NUDCD3: variants seen among roughly 807,000 people sequenced by gnomAD.
NUDCD3 encodes nudC domain-containing protein 3.
Under a neutral mutation model 39.7 loss-of-function variants are expected in NUDCD3, and 13 were observed. That is an observed-to-expected ratio of 0.33 (90% CI 0.21 to 0.52). The LOEUF (loss-of-function observed/expected upper bound fraction) is 0.52, where lower values mean the gene tolerates loss of function less well. NUDCD3 is among the 20% of genes least tolerant of loss of function. NUDCD3 has a pLI of 0.96. For synonymous variants in NUDCD3, 175 were observed against 172.4 expected (o/e 1.02, Z -0.12); for missense variants, 453 against 458.1 (o/e 0.99, Z 0.10).
intron 2 of NUDCD3, among the ~76,000 whole-genome samples, chr7:44,434,996 C>G (rs1323045040): frequency 1.3e-5 from 2 of 152,240 alleles, no homozygotes; most frequent in Admixed American, 1.3e-4. Context: ...ATGGAAAGAA[C>G]TCACTGAGCA....
rs145427824 is a variant in NUDCD3 at position 44,392,004 on chromosome 7, G to A, written c.975+293C>T. 5.8e-3 allele frequency among the ~76,000 whole-genome samples: 888 copies of A among 152,336 alleles called. 8 individuals carry two copies. The highest frequency in any genetic ancestry group is 0.02 in the African/African-American group (836 of 41,576). ...AACAAAAGCCATCAACACACTTGAT[G>A]TTACCAGGCTCTGGTGCAGGAAGGG... is the stretch of plus-strand genomic sequence containing the variant. On this transcript the variant is annotated intron_variant, in intron 5 of 5. Coordinates refer to ENST00000355451, the MANE Select transcript of NUDCD3 (RefSeq NM_015332.4).
At chr7:44,425,175 G>A (rs545646895) in intron 3 of NUDCD3, among the ~76,000 whole-genome samples, 1 of 152,204 alleles carries the variant, frequency 6.6e-6, no homozygotes, top group South Asian at 2.1e-4. Flanking sequence ...AGAGCATTAG[G>A]ACAAATACCT....
At chr7:44,487,522 T>G (rs1324200221) in intron 1 of NUDCD3, among the ~76,000 whole-genome samples, 1 of 151,260 alleles carries the variant, frequency 6.6e-6, no homozygotes, top group Non-Finnish European at 1.5e-5. Context: ...GATCACCTAC[T>G]ACCACGAAGA....
In NUDCD3 at chr7:44,380,813, T is replaced by C. The variant is rs968074996; in HGVS notation, c.*5198A>G. On this transcript the variant is annotated 3_prime_UTR_variant, in exon 6 of 6. Transcript: ENST00000355451. The stretch of plus-strand genomic sequence containing the variant: ...TAGTCCAGCAGAGGTTAGGGCTCGC[T>C]TTCCCTGCTAGAGGGGCCTCCTCCA... 2.0e-5 allele frequency: 3 copies of C among 152,302 alleles called. No individual in the cohort carries two copies. Among genetic ancestry groups the C allele is most frequent in the African/African-American group, 7.2e-5 (3 of 41,460 alleles). 9.4% of individuals were successfully genotyped at this position (152,302 alleles called of 1,614,324 possible). A position where few individuals can be genotyped will look rare whatever the true frequency, so the allele number is the denominator to read the frequency against.
intron 3 of NUDCD3, chr7:44,413,294 A>AG (rs1288192460): frequency 6.6e-6 from 1 of 152,180 alleles, no homozygotes; most frequent in East Asian, 1.9e-4. Flanking sequence ...CTACAAAAAA[A>AG]AAATTTTTAA....
At chr7:44,442,194 ATT>A (rs1799598298) in intron 2 of NUDCD3, among the ~76,000 whole-genome samples, 1 of 152,218 alleles carries the variant, frequency 6.6e-6, no homozygotes, top group Admixed American at 6.5e-5. Context: ...TACAAATAAT[ATT>A]GTTATCATCA....
chr7:44,388,617 G>A (rs994547675), intron 5 of NUDCD3, among the ~76,000 whole-genome samples: 1 of 152,230 alleles, frequency 6.6e-6, no homozygotes, highest in Non-Finnish European at 1.5e-5. Context: ...CACCAGGCAG[G>A]TGCCTGGACA....
At chr7:44,388,951 C>T (rs1351163943) in intron 5 of NUDCD3, among the ~76,000 whole-genome samples, 4 of 152,246 alleles carry the variant, frequency 2.6e-5, no homozygotes, top group Admixed American at 2.6e-4. Flanking sequence ...TGAATCCTTC[C>T]TAACTGGGTC....
chr7:44,401,285 A>C (rs901855393), intron 4 of NUDCD3, among the ~76,000 whole-genome samples: 2 of 152,250 alleles, frequency 1.3e-5, no homozygotes, highest in Non-Finnish European at 2.9e-5. Context: ...CGGCTCATTA[A>C]TTCACAATAT....
intron 2 of NUDCD3, among the ~76,000 whole-genome samples, chr7:44,444,581 A>G (rs1341064840): frequency 6.6e-6 from 1 of 152,218 alleles, no homozygotes; most frequent in African/African-American, 2.4e-5. Context: ...ACTTTGACAG[A>G]GCAAAACTCC....
At chr7:44,488,433 C>A (rs1003425651) in intron 1 of NUDCD3, among the ~76,000 whole-genome samples, 2 of 151,944 alleles carry the variant, frequency 1.3e-5, no homozygotes, top group Non-Finnish European at 2.9e-5. Flanking sequence ...TCTTAAGCAT[C>A]TGCTGGAGAC....
In NUDCD3 at chr7:44,473,415, G is replaced by A. The variant is rs189720829; in HGVS notation, c.509+11553C>T. ...CTACAAAATGGGAAGGCAACAGAACGGCCTCAAAGAGTTGTGAGGACAGTG... is the reference window on the plus strand; with the variant it reads ...CTACAAAATGGGAAGGCAACAGAACAGCCTCAAAGAGTTGTGAGGACAGTG... On this transcript the variant is annotated intron_variant, in intron 2 of 5. Coordinates refer to ENST00000355451, the MANE Select transcript of NUDCD3 (RefSeq NM_015332.4). Among the ~76,000 whole-genome samples, 52 of 152,238 alleles carry A rather than the reference G, an allele frequency of 3.4e-4. No homozygotes were observed. In the South Asian group the frequency reaches 7.3e-3, roughly 21 times the overall value.
chr7:44,473,469 C>A (rs1208863541), intron 2 of NUDCD3, among the ~76,000 whole-genome samples: 4 of 152,056 alleles, frequency 2.6e-5, no homozygotes, highest in African/African-American at 9.7e-5. Context: ...TAAGGAGAAG[C>A]TACCTGGCAA....
At chr7:44,392,264 A>G in intron 5 of NUDCD3, 33 bp downstream of exon 5, 1 of 1,603,502 alleles carries the variant, frequency 6.2e-7, no homozygotes, top group Non-Finnish European at 8.5e-7. Context: ...AAGGGCCTAA[A>G]GGGTGGACTC....
chr7:44,440,935 A>C (rs990119354), intron 2 of NUDCD3, among the ~76,000 whole-genome samples: 6 of 152,212 alleles, frequency 3.9e-5, no homozygotes, highest in African/African-American at 1.4e-4. Context: ...CACAGTCCTA[A>C]GCAAAAAGGT....
intron 3 of NUDCD3, among the ~76,000 whole-genome samples, chr7:44,420,440 A>C (rs1290963035): frequency 6.6e-6 from 1 of 152,248 alleles, no homozygotes; most frequent in African/African-American, 2.4e-5. Flanking sequence ...GATATTATCC[A>C]GGAGAACTTC....
At chr7:44,461,385 T>C (rs146597225) in intron 2 of NUDCD3, among the ~76,000 whole-genome samples, 11 of 152,274 alleles carry the variant, frequency 7.2e-5, no homozygotes, top group Admixed American at 3.3e-4. Flanking sequence ...GTATGCCACA[T>C]ATACATGGGA....
Position 44,419,015 on chromosome 7 carries a change from G to GT in NUDCD3, c.642+8555dup, listed in dbSNP as rs972575799. ...GGCAGACACTGAGCTAGCTGCAGGA[G>GT]TTTTTTTTTTGTTTGGTTTTTGTTT... On this transcript the variant is annotated intron_variant, in intron 3 of 5. Coordinates refer to ENST00000355451, the MANE Select transcript of NUDCD3 (RefSeq NM_015332.4). Among the ~76,000 whole-genome samples, 86 of 149,544 alleles carry GT rather than the reference G, an allele frequency of 5.8e-4. No individual in the cohort carries two copies. The Middle Eastern group carries it at 0.01, about 18-fold the overall frequency.
intron 3 of NUDCD3, among the ~76,000 whole-genome samples, chr7:44,415,876 A>G (rs1010920945): frequency 1.3e-5 from 2 of 152,234 alleles, no homozygotes; most frequent in Non-Finnish European, 2.9e-5. Flanking sequence ...GACAAAAAAC[A>G]AAAATAAACA....
Sources: allele counts gnomAD v4.1 joint callset (sites outside exome capture counted in the v4.1 genomes callset), GRCh38; gene constraint gnomAD v4.1.1; transcripts MANE v1.5; gene names NCBI Gene and HGNC (gene_info 2026-07-23, HGNC 2026-07-21).